Variants in SHANK2 observed in about 807,000 individuals in gnomAD.
SHANK2 encodes the protein SH3 and multiple ankyrin repeat domains protein 2.
In SHANK2, 43 loss-of-function variants were observed where a neutral mutation model predicts 133.7. The observed-to-expected ratio is 0.32, with a 90% CI of 0.25 to 0.41. The LOEUF (loss-of-function observed/expected upper bound fraction) is 0.41. Among genes scored for constraint, SHANK2 ranks in the 10% least tolerant of loss-of-function variants. SHANK2 has a pLI of 1.00. For synonymous variants in SHANK2, 1,017 were observed against 952.8 expected, an observed-to-expected ratio of 1.07 and a Z score of -1.24; for missense variants, 1,994 against 2,235.8, an observed-to-expected ratio of 0.89 and a Z score of 2.18.
chr11:71,193,958 AC>A (rs1555115836), intron 2 of SHANK2, among the ~76,000 whole-genome samples: 1 of 152,218 alleles, frequency 6.6e-6, no homozygotes, highest in African/African-American at 2.4e-5. Flanking sequence ...AAATAAGGTC[AC>A]GTTCTGAGTA....
intron 10 of SHANK2, among the ~76,000 whole-genome samples, chr11:70,930,836 G>GT (rs375465175): frequency 0.34 from 48,073 of 140,260 alleles, 11,031 homozygotes; most frequent in African/African-American, 0.67. Flanking sequence ...ACACCCAGCG[G>GT]TTTTTTTTTT....
intron 3 of SHANK2, among the ~76,000 whole-genome samples, chr11:71,131,058 C>T (rs1328950310): frequency 8.5e-5 from 13 of 152,228 alleles, no homozygotes; most frequent in Admixed American, 1.3e-4. Flanking sequence ...GCAGGGGCCA[C>T]GGAAAGGTGC....
intron 17 of SHANK2, among the ~76,000 whole-genome samples, chr11:70,627,378 G>A (rs72946916): frequency 0.056 from 8,503 of 152,224 alleles, 389 homozygotes; most frequent in African/African-American, 0.12. Flanking sequence ...CACCCAACCC[G>A]GTTCCTAAGT....
intron 15 of SHANK2, among the ~76,000 whole-genome samples, chr11:70,666,094 G>A (rs1565226797): frequency 6.6e-6 from 1 of 152,146 alleles, no homozygotes. Context: ...GGAGGTGGGC[G>A]AAGGATGACT....
At chr11:70,609,533 G>T (rs182388787) in intron 17 of SHANK2, among the ~76,000 whole-genome samples, 11 of 152,254 alleles carry the variant, frequency 7.2e-5, no homozygotes, top group African/African-American at 2.4e-4. Flanking sequence ...CGTGATGGCC[G>T]AGAGGCGGTG....
chr11:70,485,271 G>A lies in SHANK2; in HGVS notation c.4979+43C>T, dbSNP rs782325508. 7 of 1,539,198 alleles carry A rather than the reference G, an allele frequency of 4.5e-6. No individual in the cohort carries two copies. The highest frequency in any genetic ancestry group is 2.7e-5 in the African/African-American group (2 of 73,500). ...GGGCCTTTCCTGGTCAGCAGGGACA[G>A]TGCACGCAGAGCGGTGTGCATGTGC... On this transcript the variant is annotated intron_variant, in intron 25 of 25. Coordinates refer to ENST00000601538, the MANE Select transcript of SHANK2 (RefSeq NM_012309.5). This position sits in a 1 kb window ranked among gnomAD's most constrained non-coding sequence, Gnocchi z 5.8.
chr11:70,845,929 G>A (rs1948990354), intron 11 of SHANK2, among the ~76,000 whole-genome samples: 1 of 152,142 alleles, frequency 6.6e-6, no homozygotes. Context: ...GCAGGAAACG[G>A]AGCCGTCAGA....
Position 70,485,882 on chromosome 11 carries a change from A to T in SHANK2, c.4411T>A (p.Cys1471Ser). ...DSKKPASLSN[C>S]LPASFLPPPE... is the part of the protein sequence containing the mutation. ...GGTGGCAGGAATGAGGCAGGCAGAC[A>T]GTTTGAAAGACTGGCTGGCTTCTTG... The change falls in exon 25 of 26, where the codon TGT (cysteine) becomes AGT (serine). Residue 1471 changes from cysteine (C) to serine (S), a missense_variant. Transcript: ENST00000601538. The surrounding 1 kb of genome is among the most constrained non-coding windows in gnomAD (Gnocchi z 5.8). The T allele has an allele frequency of 6.2e-7, 1 of 1,614,086 alleles. No individual in the cohort carries two copies. The highest frequency in any genetic ancestry group is 1.1e-5 in the South Asian group (1 of 91,066).
At chr11:71,093,718 A>T (rs1320639871) in intron 7 of SHANK2, among the ~76,000 whole-genome samples, 2 of 152,210 alleles carry the variant, frequency 1.3e-5, no homozygotes, top group Non-Finnish European at 2.9e-5. Context: ...TGAGCCAATG[A>T]AACCTCTTCT....
chr11:70,574,595 C>T (rs1280005052), intron 17 of SHANK2, among the ~76,000 whole-genome samples: 1 of 152,174 alleles, frequency 6.6e-6, no homozygotes, highest in Non-Finnish European at 1.5e-5. Context: ...ATGGGGGTGG[C>T]GTGCCCTGAA....
In SHANK2 at chr11:70,487,105, GGTGGCTCC is replaced by G; in HGVS notation, c.3180_3187del (p.Pro1063AlafsTer4). 6.2e-7 allele frequency: 1 copy of G among 1,611,152 alleles called. No homozygotes were observed. Among genetic ancestry groups the G allele is most frequent in the Non-Finnish European group, 8.5e-7 (1 of 1,179,976 alleles). On this transcript the variant is annotated frameshift_variant, in exon 25 of 26. Transcript: ENST00000601538. LOFTEE classifies it high-confidence loss of function. The surrounding 1 kb of genome is among the most constrained non-coding windows in gnomAD (Gnocchi z 5.8). ...GCTTTCGTCAGGCCGCAGCTGGCTC[GGTGGCTCC>G]GGGGCCTGGGGGTCGATCTCCATGC...
intron 6 of SHANK2, among the ~76,000 whole-genome samples, chr11:71,100,143 A>G (rs2135158094): frequency 6.6e-6 from 1 of 152,244 alleles, no homozygotes. Flanking sequence ...GTGGAGCAAC[A>G]GGAACTCTCA....
intron 17 of SHANK2, among the ~76,000 whole-genome samples, chr11:70,528,184 C>T (rs572931051): frequency 2.0e-5 from 3 of 152,322 alleles, no homozygotes; most frequent in East Asian, 1.9e-4. Flanking sequence ...TCTGGCAGGC[C>T]GAGAGGCCGA....
chr11:70,658,759 C>G (rs782218437), intron 17 of SHANK2, among the ~76,000 whole-genome samples: 1 of 152,188 alleles, frequency 6.6e-6, no homozygotes, highest in Non-Finnish European at 1.5e-5. Flanking sequence ...GGGTAGCCCT[C>G]TCACCACGGG....
chr11:70,856,439 CAGATGGATATTT>C (rs1949173508), intron 11 of SHANK2, among the ~76,000 whole-genome samples: 7 of 149,714 alleles, frequency 4.7e-5, no homozygotes, highest in Admixed American at 4.7e-4. Context: ...GATAAATTAA[CAGATGGATATTT>C]GGATGGATGA....
In SHANK2 at chr11:70,830,742, G is replaced by A. The variant is rs575284714; in HGVS notation, c.1175-10060C>T. ...AGCCTCAGGCTTTGGGAATGTCCCC[G>A]TGGAGCTGCCATCCTGGGTCCCTGA... On this transcript the variant is annotated intron_variant, in intron 11 of 25. Transcript: ENST00000601538. This position sits in a 1 kb window ranked among gnomAD's most constrained non-coding sequence, Gnocchi z 4.4. 3.9e-5 allele frequency among the ~76,000 whole-genome samples: 6 copies of A among 152,288 alleles called. No homozygotes were observed. The highest frequency in any genetic ancestry group is 6.5e-5 in the Admixed American group (1 of 15,300).
chr11:70,545,445 A>G (rs1026443877), intron 17 of SHANK2, among the ~76,000 whole-genome samples: 2 of 152,102 alleles, frequency 1.3e-5, no homozygotes, highest in Non-Finnish European at 2.9e-5. Context: ...GAGCCACCGC[A>G]CGCTCTCTCC....
intron 17 of SHANK2, among the ~76,000 whole-genome samples, chr11:70,584,594 C>T (rs1191856435): frequency 6.6e-6 from 1 of 152,152 alleles, no homozygotes; most frequent in African/African-American, 2.4e-5. Context: ...TTCCAGCTGC[C>T]AACGCTAAAC....
At chr11:70,567,030 G>C (rs2136156624) in intron 17 of SHANK2, among the ~76,000 whole-genome samples, 1 of 152,310 alleles carries the variant, frequency 6.6e-6, no homozygotes, top group Non-Finnish European at 1.5e-5. Context: ...CCTCGAGGCT[G>C]GAGGAATGCT....
Sources: gnomAD v4.1 joint callset for allele counts (sites outside exome capture counted in the v4.1 genomes callset) on GRCh38, gnomAD v4.1.1 for gene constraint, Gnocchi (gnomAD v3.1) non-coding constraint, MANE v1.5 for transcripts, NCBI Gene and HGNC (gene_info 2026-07-23, HGNC 2026-07-21) for gene names.